Variants in GDAP1 observed in about 807,000 individuals in gnomAD.
GDAP1 encodes ganglioside induced differentiation associated protein 1, also known as ganglioside-induced differentiation-associated protein 1.
GDAP1 carries 34 observed loss-of-function variants against 40.1 expected under a neutral mutation model. The observed-to-expected ratio is 0.85, with a 90% CI of 0.64 to 1.13. The LOEUF (loss-of-function observed/expected upper bound fraction) is 1.13. Ranked by LOEUF, GDAP1 falls within the 50% of genes most tolerant of loss-of-function variation. The pLI is 0.00. For missense variants in GDAP1, 374 were observed against 433.7 expected, an observed-to-expected ratio of 0.86 and a Z score of 1.22; for synonymous variants, 170 against 157.4, an observed-to-expected ratio of 1.08 and a Z score of -0.60.
chr8:74,461,726 A>C (rs1338059411), intron 2 of GDAP1, among the ~76,000 whole-genome samples: 1 of 152,248 alleles, frequency 6.6e-6, no homozygotes, highest in East Asian at 1.9e-4. Flanking sequence ...TGTGTTTTAC[A>C]TGCTCACATG....
Position 74,466,475 on chromosome 8 carries a change from ATGG to A in GDAP1, c.166-22199_166-22197del, listed in dbSNP as rs574101469. On this transcript the variant is annotated intron_variant, in intron 2 of 2. Transcript: ENST00000523640. ...AATTGAGAGCCAATGGTGAGAGCTA[ATGG>A]TGGCCTAGACTGGAGTGGTAATAGT... Among the ~76,000 whole-genome samples the A allele has an allele frequency of 7.2e-5, 11 of 152,342 alleles. No homozygotes were observed. The East Asian group carries it at 2.1e-3, about 29-fold the overall frequency.
chr8:74,428,861 CG>C lies in GDAP1; in HGVS notation c.166-59816del, dbSNP rs1458057012. The stretch of plus-strand genomic sequence containing the variant: ...TATATCTCCTAATGCTATCCCTCCC[CG>C]CCTCCCCCGACCCCACAACAGGCCC... On this transcript the variant is annotated intron_variant, in intron 2 of 2. Transcript: ENST00000523640. Among the ~76,000 whole-genome samples, 119 of 140,526 alleles carry C rather than the reference CG, an allele frequency of 8.5e-4. 2 individuals carry two copies. The highest frequency in any genetic ancestry group is 2.7e-3 in the South Asian group (11 of 4,030). 92.2% of individuals were successfully genotyped at this position (140,526 alleles called of 152,430 possible).
chr8:74,362,097 ATG>A (rs1809397679), intron 4 of GDAP1, 119 bp downstream of exon 4: 5 of 435,330 alleles, frequency 1.1e-5, no homozygotes, highest in South Asian at 5.3e-5. Context: ...ACCAGTACAC[ATG>A]TTACCTTTGG....
chr8:74,413,301 G>A (rs1805738362), intron 2 of GDAP1, among the ~76,000 whole-genome samples: 1 of 149,478 alleles, frequency 6.7e-6, no homozygotes. Context: ...GATTCAGGAA[G>A]AAGGCAAGAA....
chr8:74,401,451 C>A lies in GDAP1; in HGVS notation c.165+50130C>A, dbSNP rs569542101. On this transcript the variant is annotated intron_variant, in intron 2 of 2. Transcript: ENST00000523640. ...GTATTGGTTATTCTAGTTATACATT[C>A]GTCTCTATTTTTTTCAAAGTTTTTA... is the stretch of plus-strand genomic sequence containing the variant. Among the ~76,000 whole-genome samples the A allele has an allele frequency of 8.0e-5, 12 of 149,780 alleles. 3 individuals carry two copies. Among genetic ancestry groups the A allele is most frequent in the African/African-American group, 3.1e-4 (12 of 39,156 alleles).
intron 2 of GDAP1, among the ~76,000 whole-genome samples, chr8:74,355,952 T>C (rs931178307): frequency 2.6e-5 from 4 of 152,068 alleles, no homozygotes; most frequent in African/African-American, 9.6e-5. Flanking sequence ...ATAAAATACA[T>C]TTAAATGTTA....
At chr8:74,468,890 G>A (rs1282771308) in intron 2 of GDAP1, among the ~76,000 whole-genome samples, 1 of 152,032 alleles carries the variant, frequency 6.6e-6, no homozygotes, top group Non-Finnish European at 1.5e-5. Context: ...TCTTTAGTGG[G>A]AATTCCTCAG....
intron 2 of GDAP1, among the ~76,000 whole-genome samples, chr8:74,409,464 G>A (rs781197537): frequency 4.7e-5 from 7 of 149,644 alleles, no homozygotes; most frequent in Non-Finnish European, 1.0e-4. Flanking sequence ...CGATTCTCCT[G>A]CCCCAGCCTC....
intron 2 of GDAP1, among the ~76,000 whole-genome samples, chr8:74,431,574 C>CG (rs1372433134): frequency 1.2e-4 from 19 of 152,016 alleles, no homozygotes; most frequent in Admixed American, 6.6e-5. Context: ...CTCCGCCTCC[C>CG]GGGTTCACGC....
rs1343228031 is a variant in GDAP1, at chr8:74,365,776, T to C, written c.*1409T>C. 2.2e-6 allele frequency: 1 copy of C among 453,890 alleles called. No individual in the cohort carries two copies. The highest frequency in any genetic ancestry group is 4.4e-6 in the Non-Finnish European group (1 of 226,656). The allele number at this position is 453,890 out of a possible 1,614,324, so 28.1% of individuals were successfully genotyped here. A position where few individuals can be genotyped will look rare whatever the true frequency, so the allele number is the denominator to read the frequency against. ...TATTAGAAAACCTTGATGAACTATA[T>C]GTTCCCGATTTACAAAAAAATTAAT... On this transcript the variant is annotated 3_prime_UTR_variant, in exon 6 of 6. Transcript: ENST00000220822.
chr8:74,413,626 G>A (rs961239727), intron 2 of GDAP1, among the ~76,000 whole-genome samples: 1 of 149,676 alleles, frequency 6.7e-6, no homozygotes, highest in African/African-American at 2.6e-5. Flanking sequence ...GCAGAAACAA[G>A]GGCCTGTAGG....
chr8:74,399,273 C>G (rs1387023879), intron 2 of GDAP1, among the ~76,000 whole-genome samples: 1 of 149,898 alleles, frequency 6.7e-6, no homozygotes, highest in Non-Finnish European at 1.5e-5. Flanking sequence ...CTGGTTTAGT[C>G]TTGGGAGGGC....
chr8:74,389,241 A>G (rs1040451603), intron 2 of GDAP1, among the ~76,000 whole-genome samples: 10 of 152,140 alleles, frequency 6.6e-5, no homozygotes, highest in African/African-American at 2.4e-4. Context: ...GTTATTTTGC[A>G]CATTAATTGA....
At chr8:74,435,790 T>C (rs1806081511) in intron 2 of GDAP1, among the ~76,000 whole-genome samples, 1 of 152,228 alleles carries the variant, frequency 6.6e-6, no homozygotes, top group Admixed American at 6.5e-5. Flanking sequence ...TTCTCTTTAC[T>C]TTTTCTTCAG....
chr8:74,385,116 T>C (rs1810006690), intron 2 of GDAP1, among the ~76,000 whole-genome samples: 1 of 152,282 alleles, frequency 6.6e-6, no homozygotes, highest in East Asian at 1.9e-4. Context: ...CGGTAGGAAT[T>C]AGATATTACC....
At position 74,422,146 on chromosome 8, in the gene GDAP1, C is replaced by T. The variant is rs1409268938; in HGVS notation, c.166-66532C>T. ...TCTTGCTTTTTCATTTTCTTTCTTT[C>T]CTTCTTCATTTTCTTCTTTCTTTCT... is the stretch of plus-strand genomic sequence containing the variant. On this transcript the variant is annotated intron_variant, in intron 2 of 2. Coordinates refer to the GDAP1 transcript ENST00000523640. Among the ~76,000 whole-genome samples the T allele has an allele frequency of 3.3e-5, 5 of 151,796 alleles. No homozygotes were observed. The East Asian group carries it at 7.8e-4, about 24-fold the overall frequency.
intron 2 of GDAP1, among the ~76,000 whole-genome samples, chr8:74,409,828 C>G (rs1383593545): frequency 6.7e-6 from 1 of 150,002 alleles, no homozygotes; most frequent in Non-Finnish European, 1.5e-5. Context: ...TTCCCTAGTT[C>G]CTGTTTTCCT....
intron 2 of GDAP1, among the ~76,000 whole-genome samples, chr8:74,420,187 A>G (rs986337483): frequency 3.9e-5 from 6 of 152,166 alleles, no homozygotes; most frequent in Non-Finnish European, 7.4e-5. Flanking sequence ...TATTTCTGCA[A>G]GAAAAGGCTA....
At chr8:74,422,301 C>CTTTCT (rs1237888476) in intron 2 of GDAP1, among the ~76,000 whole-genome samples, 2 of 34,074 alleles carry the variant, frequency 5.9e-5, no homozygotes, top group African/African-American at 3.5e-4. Context: ...TTCTTTCTTT[C>CTTTCT]TTTCTTTCTT....
Sources: allele counts gnomAD v4.1 joint callset (sites outside exome capture counted in the v4.1 genomes callset), GRCh38; gene constraint gnomAD v4.1.1; transcripts MANE v1.5; gene names NCBI Gene and HGNC (gene_info 2026-07-23, HGNC 2026-07-21).